Variants in PAK1 observed in about 807,000 individuals in gnomAD.
PAK1 encodes serine/threonine-protein kinase PAK 1.
PAK1 carries 29 observed loss-of-function variants against 67.4 expected under a neutral mutation model. The observed-to-expected ratio is 0.43, with a 90% confidence interval of 0.32 to 0.59. The LOEUF (loss-of-function observed/expected upper bound fraction) is 0.59. Ranked by LOEUF, PAK1 falls within the 20% of genes least tolerant of loss-of-function variation. The pLI is 0.07. For missense variants in PAK1, 337 were observed against 670.7 expected, an observed-to-expected ratio of 0.50 and a Z score of 5.50; for synonymous variants, 223 against 237.4, an observed-to-expected ratio of 0.94 and a Z score of 0.56.
At chr11:77,385,187 A>G (rs1302591598) in intron 2 of PAK1, among the ~76,000 whole-genome samples, 3 of 152,224 alleles carry the variant, frequency 2.0e-5, no homozygotes, top group Non-Finnish European at 4.4e-5. Context: ...ACTTCTATTC[A>G]TCATAGTACT....
At chr11:77,526,648 T>G in the PAK1 span, among the ~76,000 whole-genome samples, 1 of 152,232 alleles carries the variant, frequency 6.6e-6, no homozygotes, top group Non-Finnish European at 1.5e-5. Flanking sequence ...CCAGGTGTGG[T>G]GGCTCACGCC....
intron 2 of PAK1, among the ~76,000 whole-genome samples, chr11:77,383,347 A>C (rs1293366175): frequency 6.9e-6 from 1 of 144,986 alleles, no homozygotes; most frequent in Non-Finnish European, 1.5e-5. Flanking sequence ...TTTTTGAGAC[A>C]GAGTCTCACT....
chr11:77,478,593 C>T (rs191563347), upstream of PAK1, among the ~76,000 whole-genome samples: 6 of 150,928 alleles, frequency 4.0e-5, no homozygotes, highest in East Asian at 2.0e-4. Context: ...GGCAACATGG[C>T]GAAACCCCAA....
At chr11:77,445,314 T>C (rs1956549703) in intron 1 of PAK1, among the ~76,000 whole-genome samples, 1 of 152,154 alleles carries the variant, frequency 6.6e-6, no homozygotes, top group African/African-American at 2.4e-5. Flanking sequence ...AGACCACAAA[T>C]TTCTGTTTTT....
At chr11:77,471,037 G>C (rs954347771) in intron 1 of PAK1, among the ~76,000 whole-genome samples, 18 of 152,160 alleles carry the variant, frequency 1.2e-4, no homozygotes, top group African/African-American at 4.3e-4. Flanking sequence ...TGTCGCAGCT[G>C]GCAATACATA....
At chr11:77,412,711 A>G (rs1164285888) in intron 1 of PAK1, among the ~76,000 whole-genome samples, 1 of 152,188 alleles carries the variant, frequency 6.6e-6, no homozygotes, top group African/African-American at 2.4e-5. Flanking sequence ...GGCATGAGCC[A>G]CCACACCTAG....
At chr11:77,511,604 C>T in the PAK1 span, among the ~76,000 whole-genome samples, 7 of 152,142 alleles carry the variant, frequency 4.6e-5, no homozygotes, top group African/African-American at 1.4e-4. Flanking sequence ...GGTGCCAAGA[C>T]GTGACAAGTA....
chr11:77,459,377 A>C (rs1328363470), intron 1 of PAK1, among the ~76,000 whole-genome samples: 1 of 152,192 alleles, frequency 6.6e-6, no homozygotes, highest in African/African-American at 2.4e-5. Flanking sequence ...AAATCAGAGC[A>C]GAAAGGATAG....
the PAK1 span, among the ~76,000 whole-genome samples, chr11:77,523,772 G>T: frequency 6.6e-6 from 1 of 152,112 alleles, no homozygotes; most frequent in Admixed American, 6.5e-5. Flanking sequence ...ATAATAAAAA[G>T]TTTTTCAAAA....
At chr11:77,487,562 G>A in the PAK1 span, among the ~76,000 whole-genome samples, 1 of 151,992 alleles carries the variant, frequency 6.6e-6, no homozygotes, top group African/African-American at 2.4e-5. Context: ...CTGGGACCAG[G>A]GCCCTAAAGG....
chr11:77,363,338 A>C (rs975610483), intron 5 of PAK1, among the ~76,000 whole-genome samples: 3 of 152,208 alleles, frequency 2.0e-5, no homozygotes, highest in African/African-American at 7.2e-5. Context: ...ATTCTGTCCC[A>C]GTAGGAAGAC....
At chr11:77,509,159 G>C in the PAK1 span, among the ~76,000 whole-genome samples, 17 of 151,728 alleles carry the variant, frequency 1.1e-4, no homozygotes, top group African/African-American at 3.9e-4. Context: ...TCGGGAGGCT[G>C]AGGCAGGAGA....
upstream of PAK1, chr11:77,475,755 C>T (rs772517394): frequency 1.3e-5 from 2 of 152,158 alleles, no homozygotes; most frequent in African/African-American, 4.8e-5. Context: ...ATTTCTATGC[C>T]TTTTATGGAA....
chr11:77,388,536 G>C (rs1950737712), intron 2 of PAK1, among the ~76,000 whole-genome samples: 1 of 152,144 alleles, frequency 6.6e-6, no homozygotes, highest in Non-Finnish European at 1.5e-5. Context: ...TGTATTTCTA[G>C]TAGAGACGGG....
chr11:77,439,174 C>T (rs1427182139), intron 1 of PAK1, among the ~76,000 whole-genome samples: 1 of 152,026 alleles, frequency 6.6e-6, no homozygotes, highest in East Asian at 1.9e-4. Context: ...AAGAAAAAGC[C>T]AAAATATCTA....
intron 1 of PAK1, among the ~76,000 whole-genome samples, chr11:77,420,964 C>T (rs1392271939): frequency 6.6e-6 from 1 of 152,196 alleles, no homozygotes; most frequent in Non-Finnish European, 1.5e-5. Context: ...TAGAATATTA[C>T]AACATCCTTT....
rs1242485972 is a variant in PAK1, at chr11:77,325,512, A to G, written c.1552-2152T>C. 4.6e-6 allele frequency: 4 copies of G among 861,786 alleles called. No homozygotes were observed. The African/African-American group carries it at 6.8e-5, about 15-fold the overall frequency. The allele number at this position is 861,786 out of a possible 1,614,324, so 53.4% of individuals were successfully genotyped here. Reference sequence around the variant, plus strand: ...GATTCAATATAACCCATTTATTACTAGTTATATTACTATATCAGGAAGAAA... The same window carrying G: ...GATTCAATATAACCCATTTATTACTGGTTATATTACTATATCAGGAAGAAA... On this transcript the variant is annotated intron_variant, in intron 14 of 14. Transcript: ENST00000356341.
chr11:77,344,749 T>C (rs1050952070), intron 9 of PAK1, among the ~76,000 whole-genome samples: 2 of 152,220 alleles, frequency 1.3e-5, no homozygotes, highest in African/African-American at 2.4e-5. Flanking sequence ...TGTCAAGTTA[T>C]CCTGTACATG....
At chr11:77,437,459 ATAT>A (rs1425234856) in intron 1 of PAK1, among the ~76,000 whole-genome samples, 1 of 152,212 alleles carries the variant, frequency 6.6e-6, no homozygotes, top group Non-Finnish European at 1.5e-5. Flanking sequence ...GATTATAATA[ATAT>A]TATTAATTTT....
Sources: gnomAD v4.1 joint callset for allele counts (sites outside exome capture counted in the v4.1 genomes callset) on GRCh38, gnomAD v4.1.1 for gene constraint, MANE v1.5 for transcripts, NCBI Gene and HGNC (gene_info 2026-07-23, HGNC 2026-07-21) for gene names.